The following BAAT variants were observed in gnomAD, a reference collection of about 807,000 sequenced individuals.
BAAT encodes bile acid CoA: amino acid N-acyltransferase (glycine N-choloyltransferase).
BAAT carries 13 observed loss-of-function variants against 18.9 expected under a neutral mutation model. The ratio of observed to expected loss-of-function variants is 0.69; its 90% confidence interval spans 0.45 to 1.10. BAAT has a LOEUF of 1.10. Among genes scored for constraint, BAAT ranks in the 50% least tolerant of loss-of-function variants. The pLI is 0.00. For missense variants in BAAT, 489 were observed against 504.0 expected (o/e 0.97, Z 0.28); for synonymous variants, 170 against 190.7 (o/e 0.89, Z 0.89).
chr9:101,380,162 A>AC (rs34155990), intron 1 of BAAT, among the ~76,000 whole-genome samples: 2 of 152,148 alleles, frequency 1.3e-5, no homozygotes, highest in African/African-American at 4.8e-5. Flanking sequence ...CTAATCTGCC[A>AC]GTTGACATCT....
chr9:101,365,912 T>C (rs1829818203), intron 3 of BAAT, among the ~76,000 whole-genome samples: 1 of 152,212 alleles, frequency 6.6e-6, no homozygotes, highest in Non-Finnish European at 1.5e-5. Context: ...CATATATACA[T>C]GGTGGAATGA....
intron 2 of BAAT, among the ~76,000 whole-genome samples, chr9:101,370,701 A>C (rs1194363061): frequency 1.3e-5 from 2 of 152,162 alleles, no homozygotes; most frequent in Admixed American, 1.3e-4. Flanking sequence ...CTGGAGTAGA[A>C]TATTACCACA....
chr9:101,362,547 A>G lies in BAAT; in HGVS notation c.1138T>C (p.Leu380=), dbSNP rs1301052390. The G allele has an allele frequency of 2.5e-6, 4 of 1,614,100 alleles. No homozygotes were observed. Among genetic ancestry groups the G allele is most frequent in the Non-Finnish European group, 3.4e-6 (4 of 1,180,008 alleles). Reference sequence around the variant, plus strand: ...ACCTCTCCTCCCCAGTGTAACCTCAAATCGTGGGTCGTTGAGGCACAGCAC... The same window carrying G: ...ACCTCTCCTCCCCAGTGTAACCTCAGATCGTGGGTCGTTGAGGCACAGCAC... ...PLCCASTTHD[L]RLHWGGEVIP... The change falls in exon 4 of 4, where the codon TTG becomes CTG. Residue 380 remains leucine (L), a synonymous_variant. Coordinates refer to ENST00000259407, the MANE Select transcript of BAAT (RefSeq NM_001701.4).
Position 101,362,768 on chromosome 9 carries a change from G to C in BAAT, c.917C>G (p.Ala306Gly), listed in dbSNP as rs1355101471. ...TTCAATAGGAAACAAATATTGACTGGCCCCAACTTGAGTTGTCTCAAAAGT... is the reference window on the plus strand; with the variant it reads ...TTCAATAGGAAACAAATATTGACTGCCCCCAACTTGAGTTGTCTCAAAAGT... ...YRTFETTQVG[A>G]SQYLFPIEEA... Residue 306 changes from alanine to glycine, a missense_variant, in exon 4 of 4, where the codon GCC becomes GGC. Ala to Gly is a moderately conservative substitution (Grantham distance 60). Coordinates refer to ENST00000259407, the MANE Select transcript of BAAT (RefSeq NM_001701.4). The C allele has an allele frequency of 4.3e-6, 7 of 1,614,026 alleles. No homozygotes were observed. In the Admixed American group the frequency reaches 1.2e-4, roughly 27 times the overall value.
At chr9:101,383,946 G>A (rs1173054023) in intron 1 of BAAT, among the ~76,000 whole-genome samples, 3 of 152,114 alleles carry the variant, frequency 2.0e-5, no homozygotes, top group African/African-American at 7.2e-5. Flanking sequence ...CCCACTTTCA[G>A]AATTTGGGGA....
chr9:101,384,000 T>C (rs974351633), intron 1 of BAAT, among the ~76,000 whole-genome samples: 1 of 152,172 alleles, frequency 6.6e-6, no homozygotes, highest in South Asian at 2.1e-4. Flanking sequence ...TTCACATGGT[T>C]TCTTGAAATA....
chr9:101,382,651 T>A (rs1830150411), intron 1 of BAAT, among the ~76,000 whole-genome samples: 1 of 152,184 alleles, frequency 6.6e-6, no homozygotes, highest in African/African-American at 2.4e-5. Context: ...TTGGTCTCTT[T>A]TACTGCCTTA....
chr9:101,370,960 C>T lies in BAAT; in HGVS notation c.445G>A (p.Gly149Arg). 6.2e-7 allele frequency: 1 copy of T among 1,614,036 alleles called. No individual in the cohort carries two copies. The highest frequency in any genetic ancestry group is 1.1e-5 in the South Asian group (1 of 91,078). Reference sequence around the variant, plus strand: ...TCACCTGGAGGGAGAAAGAGAGCTCCTCGAAGGCGGCCTTCTCGAACCTTA... The same window carrying T: ...TCACCTGGAGGGAGAAAGAGAGCTCTTCGAAGGCGGCCTTCTCGAACCTTA... The part of the protein sequence containing the change: ...RIKVREGRLR[G>R]ALFLPPGEGL... Residue 149 changes from glycine (G) to arginine (R), a missense_variant, in exon 2 of 4, where the codon GGA becomes AGA. By Grantham distance (125) the Gly-to-Arg change is moderately radical. Transcript: ENST00000259407.
chr9:101,370,308 G>T (rs1376778651), intron 2 of BAAT, among the ~76,000 whole-genome samples: 3 of 146,380 alleles, frequency 2.0e-5, no homozygotes, highest in Non-Finnish European at 4.5e-5. Context: ...TAAGCATTTT[G>T]CATGCATTAT....
rs1829762741 is a variant in BAAT at position 101,362,907 on chromosome 9, T to A, written c.778A>T (p.Thr260Ser). The A allele has an allele frequency of 1.2e-6, 2 of 1,614,040 alleles. No individual in the cohort carries two copies. The highest frequency in any genetic ancestry group is 1.7e-6 in the Non-Finnish European group (2 of 1,179,944). The change falls in exon 4 of 4, where the codon ACC (threonine) becomes TCC (serine). Residue 260 changes from threonine to serine, a missense_variant. By Grantham distance (58) the Thr-to-Ser change is moderately conservative (BLOSUM62 1). Coordinates refer to ENST00000259407, the MANE Select transcript of BAAT (RefSeq NM_001701.4). ...TGTGGAATGCCAAAAGGAAAGTTGG[T>A]CCCATTAATAAGTACCGTGGCTGTG... ...QVTATVLINGTNFPFGIPQVY... is the reference protein window; with the variant it reads ...QVTATVLINGSNFPFGIPQVY...
intron 3 of BAAT, among the ~76,000 whole-genome samples, chr9:101,365,818 GC>G (rs2119018215): frequency 6.6e-6 from 1 of 152,252 alleles, no homozygotes; most frequent in African/African-American, 2.4e-5. Context: ...ACAGGCATGA[GC>G]CACTGTGCCT....
At position 101,362,663 on chromosome 9, in the gene BAAT, A is replaced by G. The variant is rs201040751; in HGVS notation, c.1022T>C (p.Ile341Thr). The G allele has an allele frequency of 5.6e-6, 9 of 1,614,094 alleles. No individual in the cohort carries two copies. Among genetic ancestry groups the G allele is most frequent in the African/African-American group, 2.7e-5 (2 of 75,034 alleles). ...CTTCCCATGTCTCTTCAGCTGTCCT[A>G]TGGCTTGTTCAGCGTGTGCTTTGCT... is the stretch of plus-strand genomic sequence containing the variant. The part of the protein sequence containing the change: ...INSKAHAEQA[I>T]GQLKRHGKNN... The change falls in exon 4 of 4, where the codon ATA becomes ACA. Residue 341 changes from isoleucine to threonine, a missense_variant. Transcript: ENST00000259407.
chr9:101,368,624 A>G (rs1829874798), intron 2 of BAAT, among the ~76,000 whole-genome samples: 1 of 152,262 alleles, frequency 6.6e-6, no homozygotes, highest in South Asian at 2.1e-4. Context: ...TAGGAACTAC[A>G]TTCAGAGACA....
chr9:101,375,108 C>T (rs961910536), intron 1 of BAAT, among the ~76,000 whole-genome samples: 1 of 152,150 alleles, frequency 6.6e-6, no homozygotes, highest in Admixed American at 6.5e-5. Context: ...TGTTCCCCCC[C>T]ATACTGTTCT....
chr9:101,380,552 C>T (rs1830116028), intron 1 of BAAT, among the ~76,000 whole-genome samples: 1 of 152,150 alleles, frequency 6.6e-6, no homozygotes, highest in Non-Finnish European at 1.5e-5. Flanking sequence ...GGGCAAGCAA[C>T]ACAAGAGAGA....
intron 1 of BAAT, chr9:101,376,746 A>G (rs1042722379): frequency 1.3e-5 from 2 of 152,214 alleles, no homozygotes; most frequent in Non-Finnish European, 2.9e-5. Flanking sequence ...GCATGTAGGC[A>G]TGCTGGCCCG....
chr9:101,362,787 C>T lies in BAAT; in HGVS notation c.898G>A (p.Glu300Lys), dbSNP rs775869688. The T allele has an allele frequency of 6.2e-7, 1 of 1,614,136 alleles. No individual in the cohort carries two copies. Among genetic ancestry groups the T allele is most frequent in the Non-Finnish European group, 8.5e-7 (1 of 1,180,026 alleles). The change falls in exon 4 of 4, where the codon GAG becomes AAG. Residue 300 changes from glutamate (E) to lysine (K), a missense_variant. By Grantham distance (56) the Glu-to-Lys change is moderately conservative. Coordinates refer to ENST00000259407, the MANE Select transcript of BAAT (RefSeq NM_001701.4). ...TGACTGGCCCCAACTTGAGTTGTCTCAAAAGTGCGATAGAGCTCTAGTAAC... is the reference window on the plus strand; with the variant it reads ...TGACTGGCCCCAACTTGAGTTGTCTTAAAAGTGCGATAGAGCTCTAGTAAC... The part of the protein sequence containing the change: ...LGLLELYRTF[E>K]TTQVGASQYL...
In BAAT at chr9:101,362,938, C is replaced by A; in HGVS notation, c.747G>T (p.Lys249Asn). 1 of 1,613,988 alleles carries A rather than the reference C, an allele frequency of 6.2e-7. No homozygotes were observed. The highest frequency in any genetic ancestry group is 2.2e-5 in the East Asian group (1 of 44,878). Reference protein sequence around the residue: ...QIGLSMAIYLKQVTATVLING... With the variant: ...QIGLSMAIYLNQVTATVLING... ...TAATAAGTACCGTGGCTGTGACTTGCTTTAGGTAAATAGCCATAGATAGTC... is the reference window on the plus strand; with the variant it reads ...TAATAAGTACCGTGGCTGTGACTTGATTTAGGTAAATAGCCATAGATAGTC... The change falls in exon 4 of 4, where the codon AAG becomes AAT. Residue 249 changes from lysine (K) to asparagine (N), a missense_variant. Coordinates refer to ENST00000259407, the MANE Select transcript of BAAT (RefSeq NM_001701.4).
intron 3 of BAAT, among the ~76,000 whole-genome samples, chr9:101,363,528 G>C (rs1685857655): frequency 6.6e-6 from 1 of 152,058 alleles, no homozygotes; most frequent in Non-Finnish European, 1.5e-5. Flanking sequence ...CTCATTGTCA[G>C]TCATCAAATA....
Sources: gnomAD v4.1 joint callset for allele counts (sites outside exome capture counted in the v4.1 genomes callset) on GRCh38, gnomAD v4.1.1 for gene constraint, MANE v1.5 for transcripts, NCBI Gene and HGNC (gene_info 2026-07-23, HGNC 2026-07-21) for gene names.